The following OSBPL2 variants were observed in gnomAD, a reference collection of about 807,000 sequenced individuals.
OSBPL2 encodes the protein oxysterol binding protein like 2, also known as oxysterol-binding protein-related protein 2.
In OSBPL2, 18 loss-of-function variants were observed where a neutral mutation model predicts 58.4. The observed-to-expected ratio is 0.31, with a 90% confidence interval of 0.21 to 0.46. The LOEUF (loss-of-function observed/expected upper bound fraction) is 0.46. Ranked by LOEUF, OSBPL2 falls within the 20% of genes least tolerant of loss-of-function variation. OSBPL2 has a pLI of 1.00. For missense variants in OSBPL2, 461 were observed against 616.5 expected, an observed-to-expected ratio of 0.75 and a Z score of 2.67; for synonymous variants, 221 against 234.1, an observed-to-expected ratio of 0.94 and a Z score of 0.51.
At chr20:62,272,498 C>T (rs1047147838) in intron 5 of OSBPL2, among the ~76,000 whole-genome samples, 1 of 152,216 alleles carries the variant, frequency 6.6e-6, no homozygotes, top group African/African-American at 2.4e-5. Flanking sequence ...GCTGCCGCCT[C>T]CTGCCGGGAG....
chr20:62,288,000 G>A (rs534683503), intron 11 of OSBPL2, among the ~76,000 whole-genome samples: 1 of 152,232 alleles, frequency 6.6e-6, no homozygotes, highest in African/African-American at 2.4e-5. Flanking sequence ...TGCCAGGGAG[G>A]GCATCTGAGT....
intron 12 of OSBPL2, among the ~76,000 whole-genome samples, chr20:62,290,434 T>G (rs1409429362): frequency 8.8e-6 from 1 of 113,736 alleles, no homozygotes; most frequent in Non-Finnish European, 1.9e-5. Context: ...TTTTTTTTTT[T>G]GAGACGGAGT....
intron 1 of OSBPL2, among the ~76,000 whole-genome samples, chr20:62,246,075 C>G (rs1476874024): frequency 6.6e-6 from 1 of 152,222 alleles, no homozygotes; most frequent in Non-Finnish European, 1.5e-5. Context: ...GCCATTCCCG[C>G]GTCTCCTCGC....
Position 62,288,220 on chromosome 20 carries a change from G to A in OSBPL2, c.1126-987G>A, listed in dbSNP as rs1272990251. 6.6e-6 allele frequency among the ~76,000 whole-genome samples: 1 copy of A among 152,168 alleles called. No individual in the cohort carries two copies. Among genetic ancestry groups the A allele is most frequent in the African/African-American group, 2.4e-5 (1 of 41,422 alleles). Reference sequence around the variant, plus strand: ...GGCACCAGGAGTCATTTGAGCAGGGGGTGACGGGTGCTGTTGATGTTTCCT... The same window carrying A: ...GGCACCAGGAGTCATTTGAGCAGGGAGTGACGGGTGCTGTTGATGTTTCCT... On this transcript the variant is annotated intron_variant, in intron 11 of 13. Coordinates refer to ENST00000313733, the MANE Select transcript of OSBPL2 (RefSeq NM_144498.4). The surrounding 1 kb of genome is among the most constrained non-coding windows in gnomAD (Gnocchi z 4.8).
At chr20:62,271,639 A>C (rs1027463667) in intron 4 of OSBPL2, 2 of 156,842 alleles carry the variant, frequency 1.3e-5, no homozygotes, top group African/African-American at 4.8e-5. Flanking sequence ...TTTAGTATAG[A>C]CAGGGTTTCG....
At chr20:62,244,158 G>A (rs1186764928) in intron 1 of OSBPL2, among the ~76,000 whole-genome samples, 2 of 152,178 alleles carry the variant, frequency 1.3e-5, no homozygotes, top group East Asian at 3.9e-4. Context: ...GGGGAAGGCC[G>A]GGAGCCCTGC....
At chr20:62,238,936 A>T (rs1340471844) in intron 1 of OSBPL2, 1 of 143,104 alleles carries the variant, frequency 7.0e-6, no homozygotes, top group African/African-American at 2.5e-5. Context: ...CCCCCCCGAG[A>T]TCCCCAGCCC....
Position 62,279,592 on chromosome 20 carries a change from A to T in OSBPL2, c.674+253A>T, listed in dbSNP as rs936115270. 5.6e-6 allele frequency: 3 copies of T among 533,386 alleles called. No individual in the cohort carries two copies. The African/African-American group carries it at 5.8e-5, about 10-fold the overall frequency. 33.0% of individuals were successfully genotyped at this position (533,386 alleles called of 1,614,324 possible). A position where few individuals can be genotyped will look rare whatever the true frequency, so the allele number is the denominator to read the frequency against. The stretch of plus-strand genomic sequence containing the variant: ...TCATTCATTGTATGACCAGGGTCCC[A>T]TGTTGCTGGGGTGCATCCTCACGTC... On this transcript the variant is annotated intron_variant, in intron 7 of 13. Coordinates refer to ENST00000313733, the MANE Select transcript of OSBPL2 (RefSeq NM_144498.4).
intron 6 of OSBPL2, among the ~76,000 whole-genome samples, chr20:62,275,370 G>A (rs77337401): frequency 1.7e-4 from 26 of 151,126 alleles, no homozygotes; most frequent in African/African-American, 4.6e-4. Context: ...CCTTGTTCAC[G>A]TGGCAGCACT....
At chr20:62,268,863 CT>C (rs1981869056) in intron 4 of OSBPL2, among the ~76,000 whole-genome samples, 1 of 152,100 alleles carries the variant, frequency 6.6e-6, no homozygotes, top group Non-Finnish European at 1.5e-5. Flanking sequence ...CGAGACCAGT[CT>C]GGTCAACATA....
rs746184657 is a variant in OSBPL2, at chr20:62,288,956, G to C, written c.1126-251G>C. 2.6e-5 allele frequency among the ~76,000 whole-genome samples: 4 copies of C among 152,154 alleles called. No individual in the cohort carries two copies. Among genetic ancestry groups the C allele is most frequent in the Non-Finnish European group, 5.9e-5 (4 of 68,018 alleles). On this transcript the variant is annotated intron_variant, in intron 11 of 13. Coordinates refer to ENST00000313733, the MANE Select transcript of OSBPL2 (RefSeq NM_144498.4). The surrounding 1 kb of genome is among the most constrained non-coding windows in gnomAD (Gnocchi z 4.8). The stretch of plus-strand genomic sequence containing the variant: ...ATCTGTTGATGAGATTGTAAAGACA[G>C]AAAAAGAAATGTGTGTGAGTTTTGC...
chr20:62,248,102 A>G (rs1315287094), intron 1 of OSBPL2, among the ~76,000 whole-genome samples: 1 of 150,654 alleles, frequency 6.6e-6, no homozygotes, highest in Admixed American at 6.6e-5. Flanking sequence ...TAAATTATGA[A>G]ATAAAACTTA....
At chr20:62,282,015 A>G in intron 9 of OSBPL2, 136 bp downstream of exon 9, 1 of 512,234 alleles carries the variant, frequency 2.0e-6, no homozygotes, top group East Asian at 3.0e-5. Context: ...TTCATGGTCC[A>G]GAAGTATGAC....
intron 4 of OSBPL2, among the ~76,000 whole-genome samples, chr20:62,267,457 T>C (rs1282718701): frequency 6.6e-6 from 1 of 152,180 alleles, no homozygotes; most frequent in Non-Finnish European, 1.5e-5. Context: ...AGGCCTATCC[T>C]GTGCGTTTAC....
At chr20:62,277,599 A>G (rs966020144) in intron 6 of OSBPL2, among the ~76,000 whole-genome samples, 51 of 152,262 alleles carry the variant, frequency 3.3e-4, no homozygotes, top group African/African-American at 1.2e-3. Context: ...CTGGATCCCT[A>G]CAGATCCCTT....
chr20:62,275,912 A>AT (rs11472724), intron 6 of OSBPL2, among the ~76,000 whole-genome samples: 72,385 of 142,962 alleles, frequency 0.51, 18,905 homozygotes, highest in African/African-American at 0.63. Flanking sequence ...ATGATTGAGA[A>AT]TTTTTTTTTT....
At chr20:62,292,590 G>A (rs1320910999) in intron 13 of OSBPL2, among the ~76,000 whole-genome samples, 2 of 152,210 alleles carry the variant, frequency 1.3e-5, no homozygotes, top group Non-Finnish European at 2.9e-5. Flanking sequence ...ATAATGTACT[G>A]TAATAAGTAT....
intron 2 of OSBPL2, among the ~76,000 whole-genome samples, chr20:62,259,673 T>A (rs575479974): frequency 6.6e-6 from 1 of 152,194 alleles, no homozygotes; most frequent in South Asian, 2.1e-4. Context: ...CAGATTAAAA[T>A]GATGAAAGGG....
chr20:62,258,425 T>C (rs774168547), intron 2 of OSBPL2, among the ~76,000 whole-genome samples: 94 of 152,210 alleles, frequency 6.2e-4, no homozygotes, highest in Admixed American at 4.6e-4. Context: ...GTCTTAAGAA[T>C]CAGTGCCATT....
Sources: gnomAD v4.1 joint callset for allele counts (sites outside exome capture counted in the v4.1 genomes callset) on GRCh38, gnomAD v4.1.1 for gene constraint, Gnocchi (gnomAD v3.1) non-coding constraint, MANE v1.5 for transcripts, NCBI Gene and HGNC (gene_info 2026-07-23, HGNC 2026-07-21) for gene names.